DPYD: variants seen among roughly 807,000 people sequenced by gnomAD.
The protein encoded by DPYD is dihydropyrimidine dehydrogenase.
A neutral mutation model predicts 116.2 loss-of-function variants in DPYD; 109 were observed. The ratio of observed to expected loss-of-function variants is 0.94; its 90% CI spans 0.80 to 1.10. DPYD has a LOEUF of 1.10. Among genes scored for constraint, DPYD ranks in the 50% least tolerant of loss-of-function variants. The probability of loss-of-function intolerance (pLI) is 0.00; values close to 1 mark genes in which losing one functional copy is unlikely to be tolerated. For missense variants in DPYD, 1,302 were observed against 1,254.5 expected (o/e 1.04, Z -0.57); for synonymous variants, 440 against 432.0 (o/e 1.02, Z -0.23).
intron 20 of DPYD, among the ~76,000 whole-genome samples, chr1:97,169,400 T>G (rs1394209981): frequency 6.6e-6 from 1 of 152,132 alleles, no homozygotes; most frequent in Non-Finnish European, 1.5e-5. Context: ...TCTCTTTACA[T>G]TTTGTCTTAG....
At chr1:97,411,552 T>A (rs993006187) in intron 14 of DPYD, among the ~76,000 whole-genome samples, 2 of 152,158 alleles carry the variant, frequency 1.3e-5, no homozygotes, top group Non-Finnish European at 2.9e-5. Context: ...CTCTAACATG[T>A]CTCACTACTT....
At chr1:97,117,668 T>A (rs911795537) in intron 20 of DPYD, among the ~76,000 whole-genome samples, 2 of 152,158 alleles carry the variant, frequency 1.3e-5, no homozygotes, top group Admixed American at 6.6e-5. Context: ...GGTCTATAAT[T>A]TTGGTCTACA....
chr1:97,180,478 C>T (rs531744387), intron 20 of DPYD, among the ~76,000 whole-genome samples: 1 of 152,200 alleles, frequency 6.6e-6, no homozygotes, highest in South Asian at 2.1e-4. Flanking sequence ...TAAATGTCCA[C>T]TGATTGTGTA....
chr1:97,439,997 C>A (rs537652532), intron 14 of DPYD, among the ~76,000 whole-genome samples: 1 of 151,618 alleles, frequency 6.6e-6, no homozygotes, highest in South Asian at 2.1e-4. Context: ...TATTTTCGGC[C>A]GGGCGCGGTG....
At chr1:97,403,660 T>A (rs182593838) in intron 14 of DPYD, among the ~76,000 whole-genome samples, 6 of 152,178 alleles carry the variant, frequency 3.9e-5, no homozygotes, top group Non-Finnish European at 8.8e-5. Context: ...ATGTCCACCC[T>A]TTCATTTCTG....
intron 2 of DPYD, among the ~76,000 whole-genome samples, chr1:97,828,720 TTAAA>T (rs760144020): frequency 6.6e-6 from 1 of 151,966 alleles, no homozygotes; most frequent in Non-Finnish European, 1.5e-5. Flanking sequence ...AATCAGATCT[TTAAA>T]TAACAATTTT....
chr1:97,457,676 G>A (rs1010750133), intron 13 of DPYD, among the ~76,000 whole-genome samples: 1 of 152,132 alleles, frequency 6.6e-6, no homozygotes, highest in Non-Finnish European at 1.5e-5. Flanking sequence ...TGGGAGTTCA[G>A]GTGACTGGCT....
chr1:97,304,136 C>T (rs1667025992), intron 18 of DPYD, among the ~76,000 whole-genome samples: 2 of 151,922 alleles, frequency 1.3e-5, no homozygotes, highest in South Asian at 4.2e-4. Flanking sequence ...CTCCTTTATT[C>T]TCTTGCTGTC....
chr1:97,427,960 T>C (rs1328655176), intron 14 of DPYD, among the ~76,000 whole-genome samples: 1 of 152,144 alleles, frequency 6.6e-6, no homozygotes, highest in Non-Finnish European at 1.5e-5. Context: ...CTGGTTTCTC[T>C]TATGTGCAAT....
At chr1:97,274,558 G>A (rs992659777) in intron 18 of DPYD, among the ~76,000 whole-genome samples, 4 of 151,908 alleles carry the variant, frequency 2.6e-5, no homozygotes, top group African/African-American at 9.7e-5. Context: ...CCCAGCCTTG[G>A]GTATTCCTTT....
intron 13 of DPYD, among the ~76,000 whole-genome samples, chr1:97,483,476 C>T (rs1001222304): frequency 3.9e-5 from 6 of 152,096 alleles, no homozygotes; most frequent in South Asian, 2.1e-4. Flanking sequence ...CACAGGGAGG[C>T]GAACGACACT....
At chr1:97,863,224 A>C (rs1038045379) in intron 2 of DPYD, among the ~76,000 whole-genome samples, 1 of 151,972 alleles carries the variant, frequency 6.6e-6, no homozygotes, top group African/African-American at 2.4e-5. Context: ...TCTTTGATAA[A>C]GAAATGCCAT....
At chr1:97,471,735 G>A (rs1159887502) in intron 13 of DPYD, among the ~76,000 whole-genome samples, 2 of 151,814 alleles carry the variant, frequency 1.3e-5, no homozygotes, top group Non-Finnish European at 2.9e-5. Context: ...GATTACAGGC[G>A]CCCACCACCA....
chr1:97,319,198 A>G (rs1041688000), intron 16 of DPYD, among the ~76,000 whole-genome samples: 1 of 147,706 alleles, frequency 6.8e-6, no homozygotes, highest in African/African-American at 2.5e-5. Flanking sequence ...AAACACATTC[A>G]AAAGCTAGCA....
At position 97,198,053 on chromosome 1, in the gene DPYD, C is replaced by G. The variant is rs1488498511; in HGVS notation, c.2443-4805G>C. Among the ~76,000 whole-genome samples, 3 of 152,154 alleles carry G rather than the reference C, an allele frequency of 2.0e-5. No homozygotes were observed. In the South Asian group the frequency reaches 6.2e-4, roughly 32 times the overall value. ...CTGATAGAATTTTTGATAGTAGGAA[C>G]TTTGCACATTGATATTTTCTTTTAA... On this transcript the variant is annotated intron_variant, in intron 19 of 22. Coordinates refer to ENST00000370192, the MANE Select transcript of DPYD (RefSeq NM_000110.4).
chr1:97,846,148 G>A (rs185303055), intron 2 of DPYD, among the ~76,000 whole-genome samples: 1 of 152,174 alleles, frequency 6.6e-6, no homozygotes, highest in Non-Finnish European at 1.5e-5. Context: ...GGCAGAAGGC[G>A]TTGTTGAACA....
At chr1:97,093,948 C>T (rs1172198502) in intron 21 of DPYD, among the ~76,000 whole-genome samples, 1 of 151,932 alleles carries the variant, frequency 6.6e-6, no homozygotes, top group Non-Finnish European at 1.5e-5. Flanking sequence ...CCCTTTCTGG[C>T]AGCTTCAGCT....
intron 20 of DPYD, among the ~76,000 whole-genome samples, chr1:97,104,092 G>A (rs1650954131): frequency 6.6e-6 from 1 of 152,026 alleles, no homozygotes; most frequent in Non-Finnish European, 1.5e-5. Context: ...TAATCTCTGT[G>A]CCTACTGCAC....
At chr1:97,542,369 A>G (rs1650509663) in intron 12 of DPYD, among the ~76,000 whole-genome samples, 1 of 152,146 alleles carries the variant, frequency 6.6e-6, no homozygotes, top group Non-Finnish European at 1.5e-5. Context: ...AAAAGGTTTT[A>G]TTGTTTGATT....
Sources: gnomAD v4.1 joint callset for allele counts (sites outside exome capture counted in the v4.1 genomes callset) on GRCh38, gnomAD v4.1.1 for gene constraint, MANE v1.5 for transcripts, NCBI Gene and HGNC (gene_info 2026-07-23, HGNC 2026-07-21) for gene names.